CCDC170: variants seen among roughly 807,000 people sequenced by gnomAD.
CCDC170 encodes the protein coiled-coil domain-containing protein 170.
CCDC170 carries 69 observed loss-of-function variants against 72.6 expected under a neutral mutation model. The observed-to-expected ratio is 0.95, with a 90% CI of 0.78 to 1.16. The LOEUF (loss-of-function observed/expected upper bound fraction) is 1.16, where lower values mean the gene tolerates loss of function less well. Among genes scored for constraint, CCDC170 ranks in the 50% most tolerant of loss-of-function variants. CCDC170 has a pLI of 0.00. For synonymous variants in CCDC170, 300 were observed against 303.9 expected (o/e 0.99, Z 0.13); for missense variants, 852 against 832.5 (o/e 1.02, Z -0.29).
At chr6:151,562,312 C>G (rs140783636) in intron 5 of CCDC170, among the ~76,000 whole-genome samples, 2 of 152,274 alleles carry the variant, frequency 1.3e-5, no homozygotes, top group African/African-American at 4.8e-5. Context: ...TGCTGGAGTT[C>G]TTGCACTGAG....
At chr6:151,538,412 C>A in intron 3 of CCDC170, 111 bp downstream of exon 3, 1 of 1,127,108 alleles carries the variant, frequency 8.9e-7, no homozygotes, top group Non-Finnish European at 1.3e-6. Flanking sequence ...GGCCCTTAAA[C>A]TCAATTTGAA....
intron 7 of CCDC170, among the ~76,000 whole-genome samples, chr6:151,586,846 G>A (rs1284601355): frequency 2.0e-5 from 3 of 152,030 alleles, no homozygotes; most frequent in South Asian, 2.1e-4. Flanking sequence ...GTGCAGTGGC[G>A]TGATCTCGAC....
At chr6:151,605,852 A>G (rs1365759573) in intron 9 of CCDC170, among the ~76,000 whole-genome samples, 2 of 147,970 alleles carry the variant, frequency 1.4e-5, no homozygotes, top group East Asian at 2.0e-4. Flanking sequence ...TTGTTTTTGT[A>G]TATCTTGGGG....
At position 151,619,837 on chromosome 6, in the gene CCDC170, A is replaced by G. The variant is rs2115156990; in HGVS notation, c.*1690A>G. 6.6e-6 allele frequency: 1 copy of G among 152,314 alleles called. No individual in the cohort carries two copies. Among genetic ancestry groups the G allele is most frequent in the African/African-American group, 2.4e-5 (1 of 41,576 alleles). 9.4% of individuals were successfully genotyped at this position (152,314 alleles called of 1,614,324 possible). A position where few individuals can be genotyped will look rare whatever the true frequency, so the allele number is the denominator to read the frequency against. On this transcript the variant is annotated 3_prime_UTR_variant, in exon 11 of 11. Transcript: ENST00000239374. ...CTTGTCTCAAAAAACAACAACAACA[A>G]AAAGTCAAAGTCATAATAAGCAAAT...
chr6:151,591,874 G>C (rs962576666), intron 7 of CCDC170, among the ~76,000 whole-genome samples: 11 of 152,126 alleles, frequency 7.2e-5, no homozygotes, highest in African/African-American at 2.7e-4. Flanking sequence ...TCGAAATTTT[G>C]TTTGTATGGT....
At chr6:151,532,203 G>A (rs1308810346) in intron 1 of CCDC170, among the ~76,000 whole-genome samples, 1 of 151,876 alleles carries the variant, frequency 6.6e-6, no homozygotes, top group Non-Finnish European at 1.5e-5. Flanking sequence ...AAGATATTTA[G>A]GTACATATTT....
chr6:151,557,348 G>A (rs1045180067), intron 5 of CCDC170, among the ~76,000 whole-genome samples: 2 of 151,554 alleles, frequency 1.3e-5, no homozygotes, highest in Non-Finnish European at 2.9e-5. Flanking sequence ...GGCGGAGGTT[G>A]CAGTGAGCCG....
chr6:151,499,893 T>G (rs1249764804), intron 1 of CCDC170, among the ~76,000 whole-genome samples: 1 of 152,246 alleles, frequency 6.6e-6, no homozygotes, highest in Non-Finnish European at 1.5e-5. Flanking sequence ...TTGTAAATAA[T>G]GCTGCTATGA....
chr6:151,620,936 A>G lies in CCDC170; in HGVS notation c.*2789A>G, dbSNP rs985588922. The G allele has an allele frequency of 2.0e-5, 3 of 152,280 alleles. No individual in the cohort carries two copies. Among genetic ancestry groups the G allele is most frequent in the South Asian group, 2.1e-4 (1 of 4,826 alleles). 9.4% of individuals were successfully genotyped at this position (152,280 alleles called of 1,614,324 possible). ...GAAATTACATTCCATTTATCCAAAT[A>G]TATGTTTATATAATATTTCCACTGT... is the stretch of plus-strand genomic sequence containing the variant. On this transcript the variant is annotated 3_prime_UTR_variant, in exon 11 of 11. Coordinates refer to ENST00000239374, the MANE Select transcript of CCDC170 (RefSeq NM_025059.4).
intron 5 of CCDC170, among the ~76,000 whole-genome samples, chr6:151,549,805 A>T (rs1227322536): frequency 1.3e-5 from 2 of 152,178 alleles, no homozygotes; most frequent in Non-Finnish European, 2.9e-5. Flanking sequence ...TTTAACACAA[A>T]TGTTGACACA....
chr6:151,500,371 G>A (rs907935615), intron 1 of CCDC170, among the ~76,000 whole-genome samples: 3 of 150,336 alleles, frequency 2.0e-5, no homozygotes, highest in Non-Finnish European at 4.4e-5. Context: ...AGAGAATATA[G>A]AGAAAAAGAA....
At chr6:151,497,363 A>T (rs1781925322) in intron 1 of CCDC170, among the ~76,000 whole-genome samples, 1 of 152,220 alleles carries the variant, frequency 6.6e-6, no homozygotes, top group Non-Finnish European at 1.5e-5. Flanking sequence ...CCTGGGCAAC[A>T]GAACAAGACC....
chr6:151,596,571 A>C lies in CCDC170; in HGVS notation c.1704A>C (p.Glu568Asp), dbSNP rs79790416. The change falls in exon 9 of 11, where the codon GAA (glutamate) becomes GAC (aspartate). Residue 568 changes from glutamate (E) to aspartate (D), a missense_variant. Physicochemically the swap from Glu to Asp is conservative, Grantham distance 45. Transcript: ENST00000239374. ...AAGCCAAACTGGCCGACACCAATGA[A>C]CTGAAGGCAAGTGCTTGGCTTCATT... ...ELKAKLADTNELKIKTLEQTK... is the reference protein window; with the variant it reads ...ELKAKLADTNDLKIKTLEQTK... 71 of 1,613,944 alleles carry C rather than the reference A, an allele frequency of 4.4e-5. 1 individual carries two copies. The East Asian group carries it at 1.5e-3, about 34-fold the overall frequency.
chr6:151,499,385 A>C (rs1336994746), intron 1 of CCDC170, among the ~76,000 whole-genome samples: 1 of 146,212 alleles, frequency 6.8e-6, no homozygotes, highest in Non-Finnish European at 1.5e-5. Flanking sequence ...AAGTGGAATC[A>C]GACTGTATTT....
At chr6:151,499,882 G>C (rs1228650304) in intron 1 of CCDC170, among the ~76,000 whole-genome samples, 1 of 152,172 alleles carries the variant, frequency 6.6e-6, no homozygotes, top group Admixed American at 6.5e-5. Flanking sequence ...TCTTTTGGCT[G>C]TTGTAAATAA....
At chr6:151,582,911 T>C (rs1481878314) in intron 6 of CCDC170, among the ~76,000 whole-genome samples, 1 of 151,540 alleles carries the variant, frequency 6.6e-6, no homozygotes, top group Non-Finnish European at 1.5e-5. Context: ...CCTCCAACTG[T>C]GAGGATCAAA....
chr6:151,513,176 A>C (rs1782172369), intron 1 of CCDC170, among the ~76,000 whole-genome samples: 1 of 152,236 alleles, frequency 6.6e-6, no homozygotes, highest in African/African-American at 2.4e-5. Context: ...AATATTGTGC[A>C]GCTGTTAACA....
rs116257898 is a variant in CCDC170, at chr6:151,590,598, T to C, written c.1294-2509T>C. 5.4e-3 allele frequency among the ~76,000 whole-genome samples: 820 copies of C among 152,378 alleles called. 7 individuals carry two copies. The highest frequency in any genetic ancestry group is 0.019 in the African/African-American group (793 of 41,592). ...TCTGGCAGACTCAAAGACAGTAGAA[T>C]GCAGTTTCTTATTTATGCTGAACTG... is the stretch of plus-strand genomic sequence containing the variant. On this transcript the variant is annotated intron_variant, in intron 7 of 10. Transcript: ENST00000239374.
intron 1 of CCDC170, among the ~76,000 whole-genome samples, chr6:151,529,346 T>G (rs1357111585): frequency 6.6e-6 from 1 of 152,138 alleles, no homozygotes; most frequent in Non-Finnish European, 1.5e-5. Flanking sequence ...AACATCCTCA[T>G]CCTTCTTGCT....
Sources: allele counts gnomAD v4.1 joint callset (sites outside exome capture counted in the v4.1 genomes callset), GRCh38; gene constraint gnomAD v4.1.1; transcripts MANE v1.5; gene names NCBI Gene and HGNC (gene_info 2026-07-23, HGNC 2026-07-21).